Variants in KATNIP observed in about 807,000 individuals in gnomAD.
KATNIP encodes the protein katanin interacting protein, also known as katanin-interacting protein.
KATNIP carries 126 observed loss-of-function variants against 174.0 expected under a neutral mutation model. The ratio of observed to expected loss-of-function variants is 0.72; its 90% CI spans 0.63 to 0.84. The LOEUF is 0.84. Among genes scored for constraint, KATNIP ranks in the 40% least tolerant of loss-of-function variants. The pLI is 0.00. For synonymous variants in KATNIP, 810 were observed against 835.7 expected (o/e 0.97, Z 0.53); for missense variants, 1,958 against 2,109.7 (o/e 0.93, Z 1.41).
intron 24 of KATNIP, among the ~76,000 whole-genome samples, chr16:27,775,367 C>T (rs747414550): frequency 8.5e-5 from 13 of 152,220 alleles, no homozygotes; most frequent in Non-Finnish European, 1.6e-4. Flanking sequence ...AGGGCTTGGG[C>T]GTCCTGGGTC....
intron 19 of KATNIP, among the ~76,000 whole-genome samples, chr16:27,763,155 GA>G (rs982278902): frequency 4.1e-4 from 59 of 144,560 alleles, no homozygotes; most frequent in African/African-American, 1.3e-3. Flanking sequence ...CTCTACAAAA[GA>G]AAAAAAAAAT....
chr16:27,613,526 C>G (rs986217454), intron 2 of KATNIP, among the ~76,000 whole-genome samples: 2 of 152,158 alleles, frequency 1.3e-5, no homozygotes, highest in Admixed American at 6.5e-5. Context: ...TCATGCCATA[C>G]CCATAATATA....
At chr16:27,578,803 C>G (rs1164021488) in intron 2 of KATNIP, among the ~76,000 whole-genome samples, 2 of 152,084 alleles carry the variant, frequency 1.3e-5, no homozygotes, top group Non-Finnish European at 2.9e-5. Flanking sequence ...GCCTCAAACT[C>G]CTGCCCTCAA....
At chr16:27,712,761 G>A (rs998650986) in intron 13 of KATNIP, among the ~76,000 whole-genome samples, 11 of 152,158 alleles carry the variant, frequency 7.2e-5, no homozygotes, top group Admixed American at 6.5e-4. Context: ...TCAACTTCCT[G>A]CTTGACATCT....
chr16:27,639,716 G>A (rs2076738789), intron 5 of KATNIP, among the ~76,000 whole-genome samples: 3 of 152,200 alleles, frequency 2.0e-5, no homozygotes, highest in Admixed American at 6.5e-5. Flanking sequence ...GGAAGTGTTG[G>A]GGGCCCTGTC....
At chr16:27,733,667 A>G (rs563161847) in intron 14 of KATNIP, among the ~76,000 whole-genome samples, 2 of 152,082 alleles carry the variant, frequency 1.3e-5, no homozygotes, top group South Asian at 4.2e-4. Flanking sequence ...AAGGAATTTC[A>G]TGGTGCACTT....
chr16:27,677,028 G>A (rs994674865), intron 6 of KATNIP, among the ~76,000 whole-genome samples: 1 of 152,098 alleles, frequency 6.6e-6, no homozygotes, highest in Non-Finnish European at 1.5e-5. Context: ...TCTCTGAAAT[G>A]TCTTGGTTTG....
At chr16:27,743,384 AC>A (rs1355481514) in intron 15 of KATNIP, among the ~76,000 whole-genome samples, 4 of 152,162 alleles carry the variant, frequency 2.6e-5, no homozygotes, top group African/African-American at 9.7e-5. Flanking sequence ...GGGTACAGGA[AC>A]AAGTTCCTCA....
chr16:27,725,591 G>A (rs1429686973), intron 14 of KATNIP, among the ~76,000 whole-genome samples: 2 of 152,194 alleles, frequency 1.3e-5, no homozygotes, highest in Non-Finnish European at 2.9e-5. Flanking sequence ...TCTTTCTCTG[G>A]TTTTTCACAG....
intron 18 of KATNIP, chr16:27,754,971 C>G (rs2081660862): frequency 6.6e-6 from 1 of 152,506 alleles, no homozygotes; most frequent in Admixed American, 6.5e-5. Flanking sequence ...GCCAGTTCCT[C>G]TCTTCATCCA....
At chr16:27,614,268 C>T (rs564944108) in intron 2 of KATNIP, among the ~76,000 whole-genome samples, 31 of 152,170 alleles carry the variant, frequency 2.0e-4, no homozygotes, top group African/African-American at 6.5e-4. Context: ...CGGGTTCAAG[C>T]GATTCTCCTG....
At position 27,661,989 on chromosome 16, in the gene KATNIP, CAT is replaced by C. The variant is rs1315597627; in HGVS notation, c.540+13256_540+13257del. On this transcript the variant is annotated intron_variant, in intron 6 of 27. Transcript: ENST00000261588. ...ATATATATATATATATATATATACA[CAT>C]ACATATATATATATATATATATATA... 6.2e-4 allele frequency among the ~76,000 whole-genome samples: 16 copies of C among 25,684 alleles called. 2 individuals carry two copies. Among genetic ancestry groups the C allele is most frequent in the African/African-American group, 3.3e-3 (13 of 3,902 alleles). The allele number at this position is 25,684 out of a possible 152,430, so 16.8% of individuals were successfully genotyped here.
intron 18 of KATNIP, among the ~76,000 whole-genome samples, chr16:27,758,235 C>T (rs1477862515): frequency 6.6e-6 from 1 of 152,192 alleles, no homozygotes; most frequent in Non-Finnish European, 1.5e-5. Flanking sequence ...TCCACATCCT[C>T]CTCCACCTGT....
At chr16:27,681,198 A>G (rs2078325147) in intron 7 of KATNIP, 5 of 621,350 alleles carry the variant, frequency 8.0e-6, no homozygotes, top group Non-Finnish European at 1.4e-5. Flanking sequence ...ACTTACCAAA[A>G]TGTGGTGCTG....
intron 13 of KATNIP, among the ~76,000 whole-genome samples, chr16:27,714,755 A>G (rs1949072961): frequency 6.6e-6 from 1 of 152,244 alleles, no homozygotes; most frequent in African/African-American, 2.4e-5. Context: ...CAAAAGAAGT[A>G]CAAAATGTTT....
At position 27,773,173 on chromosome 16, in the gene KATNIP, G is replaced by A. The variant is rs756941872; in HGVS notation, c.4273G>A (p.Asp1425Asn). The stretch of plus-strand genomic sequence containing the variant: ...CGGCCTCACCGGCCTGGAGCTGTAT[G>A]ACGAGCGAGGAGAAAAAATCCCCTT... ...YIGLTGLELY[D>N]ERGEKIPLSE... is the part of the protein sequence containing the mutation. Residue 1425 changes from aspartate to asparagine, a missense_variant, in exon 23 of 28, where the codon GAC (aspartate) becomes AAC (asparagine). Around this residue, in one of 3 missense-constraint regions of KATNIP, gnomAD observed 383 missense variants for 456.0 expected, o/e 0.84. Transcript: ENST00000261588. 6.2e-7 allele frequency: 1 copy of A among 1,612,088 alleles called. No individual in the cohort carries two copies. The highest frequency in any genetic ancestry group is 8.5e-7 in the Non-Finnish European group (1 of 1,179,040).
chr16:27,555,379 A>G (rs528888936), intron 1 of KATNIP, among the ~76,000 whole-genome samples: 1 of 152,242 alleles, frequency 6.6e-6, no homozygotes, highest in East Asian at 1.9e-4. Flanking sequence ...GATGCAGTGT[A>G]ATGTCCTTAG....
chr16:27,719,482 C>T (rs1332808910), intron 13 of KATNIP, among the ~76,000 whole-genome samples: 9 of 151,674 alleles, frequency 5.9e-5, no homozygotes, highest in Non-Finnish European at 1.3e-4. Context: ...AAGCGATTCT[C>T]CTGCCTCAGC....
chr16:27,665,258 C>T (rs1473093713), intron 6 of KATNIP, among the ~76,000 whole-genome samples: 2 of 151,814 alleles, frequency 1.3e-5, no homozygotes, highest in African/African-American at 4.8e-5. Context: ...CATCCACCAC[C>T]ACGCCTGGCT....
Sources: gnomAD v4.1 joint callset for allele counts (sites outside exome capture counted in the v4.1 genomes callset) on GRCh38, gnomAD v4.1.1 for gene constraint, gnomAD v4.1.1 regional missense constraint, MANE v1.5 for transcripts, NCBI Gene and HGNC (gene_info 2026-07-23, HGNC 2026-07-21) for gene names.